The following EXOC5 variants were observed in gnomAD, a reference collection of about 807,000 sequenced individuals.
EXOC5 encodes SEC10-like 1.
A neutral mutation model predicts 90.8 loss-of-function variants in EXOC5; 17 were observed. The ratio of observed to expected loss-of-function variants is 0.19; its 90% CI spans 0.13 to 0.28. The LOEUF is 0.28. EXOC5 is among the 10% of genes least tolerant of loss of function. EXOC5 has a pLI of 1.00. For synonymous variants in EXOC5, 260 were observed against 270.0 expected, an observed-to-expected ratio of 0.96 and a Z score of 0.36; for missense variants, 569 against 830.6, an observed-to-expected ratio of 0.69 and a Z score of 3.87.
At position 57,204,090 on chromosome 14, in the gene EXOC5, G is replaced by A. The variant is rs1033150111; in HGVS notation, c.*4519C>T. 1 of 152,234 alleles carries A rather than the reference G, an allele frequency of 6.6e-6. No individual in the cohort carries two copies. Among genetic ancestry groups the A allele is most frequent in the Non-Finnish European group, 1.5e-5 (1 of 68,004 alleles). The allele number at this position is 152,234 out of a possible 1,614,324, so 9.4% of individuals were successfully genotyped here. A position where few individuals can be genotyped will look rare whatever the true frequency, so the allele number is the denominator to read the frequency against. On this transcript the variant is annotated 3_prime_UTR_variant, in exon 18 of 18. Coordinates refer to ENST00000621441, the MANE Select transcript of EXOC5 (RefSeq NM_006544.4). ...CAACCTTCTAAACCACTTAGAAAAT[G>A]GGCGAGTGTGTTTAATTACTCATCT...
At chr14:57,238,363 T>TAC (rs1239763707) in intron 5 of EXOC5, among the ~76,000 whole-genome samples, 300 of 94,062 alleles carry the variant, frequency 3.2e-3, no homozygotes, top group African/African-American at 8.7e-3. Context: ...TATATATATA[T>TAC]ATATATATAT....
At chr14:57,258,456 C>T (rs146481637) in intron 1 of EXOC5, among the ~76,000 whole-genome samples, 1,578 of 152,238 alleles carry the variant, frequency 0.01, 11 homozygotes, top group Non-Finnish European at 0.017. Flanking sequence ...AACAGAAAAC[C>T]AAACACTGCA....
At position 57,208,381 on chromosome 14, in the gene EXOC5, A is replaced by G; in HGVS notation, c.*228T>C. ...TGAAATTTCTACATTCAAGAATGGA[A>G]TTAAAATTCAATGTGAGGGGAAAAA... On this transcript the variant is annotated 3_prime_UTR_variant, in exon 18 of 18. Coordinates refer to ENST00000621441, the MANE Select transcript of EXOC5 (RefSeq NM_006544.4). 1 of 378,170 alleles carries G rather than the reference A, an allele frequency of 2.6e-6. No individual in the cohort carries two copies. Among genetic ancestry groups the G allele is most frequent in the Non-Finnish European group, 4.7e-6 (1 of 210,582 alleles). The allele number at this position is 378,170 out of a possible 1,614,324, so 23.4% of individuals were successfully genotyped here.
Position 57,227,945 on chromosome 14 carries a change from T to TACACAC in EXOC5, c.1296+1783_1296+1788dup, listed in dbSNP as rs60100460. Among the ~76,000 whole-genome samples, 8 of 145,920 alleles carry TACACAC rather than the reference T, an allele frequency of 5.5e-5. No homozygotes were observed. In the South Asian group the frequency reaches 8.8e-4, roughly 16 times the overall value. ...AAATAAGTTTACATACATATATATA[T>TACACAC]ACACACACACACACACACACACACA... On this transcript the variant is annotated intron_variant, in intron 12 of 17. Transcript: ENST00000621441.
intron 7 of EXOC5, 118 bp from the exon 8 acceptor site, chr14:57,234,150 A>T: frequency 1.5e-6 from 1 of 686,594 alleles, no homozygotes; most frequent in Non-Finnish European, 2.5e-6. Flanking sequence ...GGCCAATAGC[A>T]ACACCTGTTG....
In EXOC5 at chr14:57,200,924, G is replaced by C. The variant is rs1882480886; in HGVS notation, c.*7685C>G. On this transcript the variant is annotated 3_prime_UTR_variant, in exon 18 of 18. Transcript: ENST00000621441. ...AAACTTCAAGAGCTATGTGAGATGA[G>C]GATGGTCTCCTCCAGAGAGAGGGGA... is the stretch of plus-strand genomic sequence containing the variant. 2 of 152,120 alleles carry C rather than the reference G, an allele frequency of 1.3e-5. No homozygotes were observed. Among genetic ancestry groups the C allele is most frequent in the African/African-American group, 4.8e-5 (2 of 41,412 alleles). The allele number at this position is 152,120 out of a possible 1,614,324, so 9.4% of individuals were successfully genotyped here.
rs759576421 is a variant in EXOC5 at position 57,244,154 on chromosome 14, A to AC, written c.465+10dup. On this transcript the variant is annotated intron_variant, in intron 4 of 17. Transcript: ENST00000621441. ...TGCTGTGATTTGGTTTTATCCTCTGACAGCACTTACCTTTTCAGAATTTGT... is the reference window on the plus strand; with the variant it reads ...TGCTGTGATTTGGTTTTATCCTCTGACCAGCACTTACCTTTTCAGAATTTGT... 1 of 1,596,016 alleles carries AC rather than the reference A, an allele frequency of 6.3e-7. No individual in the cohort carries two copies. The highest frequency in any genetic ancestry group is 1.7e-5 in the Admixed American group (1 of 59,568).
chr14:57,211,359 TG>T (rs1448859880), intron 15 of EXOC5, among the ~76,000 whole-genome samples: 1 of 152,192 alleles, frequency 6.6e-6, no homozygotes, highest in Admixed American at 6.5e-5. Context: ...GGACTCTAAA[TG>T]TATTATTTTT....
intron 12 of EXOC5, among the ~76,000 whole-genome samples, chr14:57,228,999 T>G (rs1285468685): frequency 3.3e-5 from 5 of 152,154 alleles, no homozygotes; most frequent in Non-Finnish European, 7.3e-5. Flanking sequence ...TTTGCTAAAC[T>G]GTGTTTATTA....
Position 57,204,497 on chromosome 14 carries a change from T to C in EXOC5, c.*4112A>G, listed in dbSNP as rs7157608. On this transcript the variant is annotated 3_prime_UTR_variant, in exon 18 of 18. Transcript: ENST00000621441. The stretch of plus-strand genomic sequence containing the variant: ...ATTAGTCATTTAAAAACTACCAATG[T>C]ACTAAATAGTTAACACAATTGGCAA... 0.3 allele frequency: 45,479 copies of C among 152,146 alleles called. 12,107 individuals are homozygous for C. The highest frequency in any genetic ancestry group is 0.72 in the African/African-American group (29,976 of 41,464). The allele number at this position is 152,146 out of a possible 1,614,324, so 9.4% of individuals were successfully genotyped here. A position where few individuals can be genotyped will look rare whatever the true frequency, so the allele number is the denominator to read the frequency against.
Position 57,208,492 on chromosome 14 carries a change from C to T in EXOC5, c.*117G>A. 1 of 631,088 alleles carries T rather than the reference C, an allele frequency of 1.6e-6. No individual in the cohort carries two copies. Among genetic ancestry groups the T allele is most frequent in the Non-Finnish European group, 2.7e-6 (1 of 375,618 alleles). 39.1% of individuals were successfully genotyped at this position (631,088 alleles called of 1,614,324 possible). ...CTGTTTTGTTCCAGTCATTGTTTCA[C>T]AAAATGTTGGCTGTGTCATAAGGTA... On this transcript the variant is annotated 3_prime_UTR_variant, in exon 18 of 18. Coordinates refer to ENST00000621441, the MANE Select transcript of EXOC5 (RefSeq NM_006544.4).
rs200754301 is a variant in EXOC5 at position 57,250,994 on chromosome 14, CAAT to C, written c.28-3285_28-3283del. On this transcript the variant is annotated intron_variant, in intron 1 of 17. Coordinates refer to ENST00000621441, the MANE Select transcript of EXOC5 (RefSeq NM_006544.4). ...CACATGAATGAGCATGGTTGTGTAT[CAAT>C]AAAACAGACAGGATTCTGGGAAGAT... Among the ~76,000 whole-genome samples the C allele has an allele frequency of 9.8e-4, 149 of 152,260 alleles. 2 individuals carry two copies. The East Asian group carries it at 0.015, about 15-fold the overall frequency.
At chr14:57,256,451 A>G (rs1177927012) in intron 1 of EXOC5, among the ~76,000 whole-genome samples, 1 of 152,122 alleles carries the variant, frequency 6.6e-6, no homozygotes, top group Non-Finnish European at 1.5e-5. Flanking sequence ...CAACTCCGAG[A>G]CCAGCTATAG....
chr14:57,267,332 T>C (rs1884700580), intron 1 of EXOC5, among the ~76,000 whole-genome samples: 1 of 152,224 alleles, frequency 6.6e-6, no homozygotes, highest in East Asian at 1.9e-4. Flanking sequence ...CAACTTATTA[T>C]AACAATAACA....
intron 1 of EXOC5, among the ~76,000 whole-genome samples, chr14:57,265,032 G>C (rs1012964809): frequency 1.3e-4 from 19 of 151,936 alleles, no homozygotes; most frequent in African/African-American, 4.4e-4. Flanking sequence ...AAAAAAGTTG[G>C]GGAAATGGAC....
intron 1 of EXOC5, 111 bp downstream of exon 1, chr14:57,268,511 T>C: frequency 6.6e-7 from 1 of 1,526,616 alleles, no homozygotes; most frequent in Non-Finnish European, 8.8e-7. Flanking sequence ...TTCGCACCTC[T>C]CTCCCGAGGG....
chr14:57,241,068 G>A (rs1883843757), intron 4 of EXOC5, among the ~76,000 whole-genome samples: 1 of 152,060 alleles, frequency 6.6e-6, no homozygotes, highest in African/African-American at 2.4e-5. Context: ...TAGCCAGGCT[G>A]GTCTTGAACA....
At chr14:57,219,256 T>C in intron 14 of EXOC5, 66 bp downstream of exon 14, 2 of 890,506 alleles carry the variant, frequency 2.2e-6, no homozygotes, top group East Asian at 6.6e-5. Flanking sequence ...TGAAAATATA[T>C]ATAGATTATG....
intron 1 of EXOC5, among the ~76,000 whole-genome samples, chr14:57,253,496 T>C (rs564720197): frequency 6.6e-6 from 1 of 152,350 alleles, no homozygotes; most frequent in South Asian, 2.1e-4. Context: ...TCAATCCTTG[T>C]GAATATCCCA....
Sources: gnomAD v4.1 joint callset for allele counts (sites outside exome capture counted in the v4.1 genomes callset) on GRCh38, gnomAD v4.1.1 for gene constraint, MANE v1.5 for transcripts, NCBI Gene and HGNC (gene_info 2026-07-23, HGNC 2026-07-21) for gene names.